Variants in RBFOX1 observed in about 807,000 individuals in gnomAD.
RBFOX1 encodes RNA binding fox-1 homolog 1.
In RBFOX1, 8 loss-of-function variants were observed where a neutral mutation model predicts 57.7. That is an observed-to-expected ratio of 0.14 (90% CI 0.08 to 0.25). The LOEUF (loss-of-function observed/expected upper bound fraction) is 0.25. RBFOX1 is among the 10% of genes least tolerant of loss of function. The pLI is 1.00. For missense variants in RBFOX1, 611 were observed against 548.5 expected (o/e 1.11, Z -1.14); for synonymous variants, 326 against 222.4 (o/e 1.47, Z -4.15).
chr16:5,555,776 C>A (rs2045646949), intron 2 of RBFOX1, among the ~76,000 whole-genome samples: 1 of 151,722 alleles, frequency 6.6e-6, no homozygotes, highest in Non-Finnish European at 1.5e-5. Flanking sequence ...AATCCCAGCA[C>A]TTTGGGAGGC....
intron 4 of RBFOX1, among the ~76,000 whole-genome samples, chr16:7,449,450 G>C (rs2150149869): frequency 6.6e-6 from 1 of 152,236 alleles, no homozygotes; most frequent in African/African-American, 2.4e-5. Context: ...AGTGAGCCCT[G>C]CTTAGTTATC....
intron 12 of RBFOX1, among the ~76,000 whole-genome samples, chr16:7,657,138 C>T (rs1408780803): frequency 6.6e-6 from 1 of 152,128 alleles, no homozygotes; most frequent in East Asian, 1.9e-4. Flanking sequence ...GTCCTAGGTC[C>T]ATGCATGGCT....
chr16:6,385,514 C>A (rs1338594056), intron 2 of RBFOX1, among the ~76,000 whole-genome samples: 1 of 152,210 alleles, frequency 6.6e-6, no homozygotes, highest in African/African-American at 2.4e-5. Flanking sequence ...CATGCACCAC[C>A]ACACCCGGAT....
intron 1 of RBFOX1, among the ~76,000 whole-genome samples, chr16:6,156,593 G>A (rs1303974033): frequency 6.6e-6 from 1 of 152,114 alleles, no homozygotes; most frequent in Non-Finnish European, 1.5e-5. Flanking sequence ...ACAGTGAGAC[G>A]AGGTGGCCAG....
intron 3 of RBFOX1, among the ~76,000 whole-genome samples, chr16:6,754,487 T>C (rs150889493): frequency 0.021 from 3,145 of 152,272 alleles, 63 homozygotes; most frequent in Admixed American, 0.034. Flanking sequence ...GCTCCTCTTT[T>C]TCATGAGGAA....
intron 1 of RBFOX1, among the ~76,000 whole-genome samples, chr16:6,257,829 G>T (rs2097677884): frequency 6.6e-6 from 1 of 152,048 alleles, no homozygotes; most frequent in South Asian, 2.1e-4. Context: ...TATCATTAAT[G>T]GGCATTTAGG....
At chr16:6,449,039 G>A (rs550591301) in intron 2 of RBFOX1, among the ~76,000 whole-genome samples, 1 of 152,234 alleles carries the variant, frequency 6.6e-6, no homozygotes, top group South Asian at 2.1e-4. Flanking sequence ...AGGACAGAAA[G>A]ACATAAAGTC....
chr16:7,145,911 C>G (rs972326150), intron 4 of RBFOX1, among the ~76,000 whole-genome samples: 1 of 152,158 alleles, frequency 6.6e-6, no homozygotes, highest in Non-Finnish European at 1.5e-5. Flanking sequence ...AAGTCCATGA[C>G]CCTCTGGCGG....
chr16:6,606,971 C>T (rs1259026070), intron 2 of RBFOX1, among the ~76,000 whole-genome samples: 7 of 152,334 alleles, frequency 4.6e-5, no homozygotes, highest in Middle Eastern at 3.4e-3. Context: ...TACATTCCCA[C>T]TAACAGTGTA....
chr16:7,408,626 G>A (rs1405991610), intron 4 of RBFOX1, among the ~76,000 whole-genome samples: 1 of 152,200 alleles, frequency 6.6e-6, no homozygotes, highest in Non-Finnish European at 1.5e-5. Context: ...GTCTAGAGGA[G>A]CAATCAAGGC....
Position 7,688,246 on chromosome 16 carries a change from T to A in RBFOX1, c.995+11408T>A, listed in dbSNP as rs71386453. ...ATGTGTGTGTGTGTGTGTGTGTGTG[T>A]GTGTGTGTGTGTGTGAGAGAGAGAG... is the stretch of plus-strand genomic sequence containing the variant. On this transcript the variant is annotated intron_variant, in intron 14 of 15. Coordinates refer to ENST00000550418, the MANE Select transcript of RBFOX1 (RefSeq NM_018723.4). 6.8e-5 allele frequency among the ~76,000 whole-genome samples: 7 copies of A among 102,522 alleles called. 1 individual carries two copies. Among genetic ancestry groups the A allele is most frequent in the Admixed American group, 5.3e-4 (5 of 9,464 alleles). The allele number at this position is 102,522 out of a possible 152,430, so 67.3% of individuals were successfully genotyped here. A position where few individuals can be genotyped will look rare whatever the true frequency, so the allele number is the denominator to read the frequency against.
intron 1 of RBFOX1, among the ~76,000 whole-genome samples, chr16:6,314,820 G>A (rs2080867913): frequency 6.6e-6 from 1 of 152,182 alleles, no homozygotes; most frequent in South Asian, 2.1e-4. Context: ...ATCCTGCATT[G>A]GAGGCATACT....
chr16:5,689,753 C>T (rs1968117), intron 3 of RBFOX1, among the ~76,000 whole-genome samples: 34,701 of 151,066 alleles, frequency 0.23, 5,461 homozygotes, highest in East Asian at 0.81. Flanking sequence ...TAGAGAACAA[C>T]AGGGACAAGA....
intron 4 of RBFOX1, among the ~76,000 whole-genome samples, chr16:7,314,280 A>G (rs556981569): frequency 9.2e-4 from 140 of 152,266 alleles, no homozygotes; most frequent in Non-Finnish European, 1.8e-3. Flanking sequence ...AATGATTTAT[A>G]CACCCCGCAC....
chr16:6,866,820 G>A (rs532361449), intron 3 of RBFOX1, among the ~76,000 whole-genome samples: 3 of 152,056 alleles, frequency 2.0e-5, no homozygotes, highest in African/African-American at 7.2e-5. Flanking sequence ...GGGATTACAG[G>A]CAGGAGCCAC....
intron 3 of RBFOX1, among the ~76,000 whole-genome samples, chr16:5,790,864 T>G (rs72766973): frequency 0.33 from 50,184 of 150,064 alleles, 9,129 homozygotes; most frequent in East Asian, 0.54. Flanking sequence ...TCTTTATTTT[T>G]TTTTTTTTTG....
At chr16:5,722,972 T>C (rs941106006) in intron 3 of RBFOX1, among the ~76,000 whole-genome samples, 1 of 152,206 alleles carries the variant, frequency 6.6e-6, no homozygotes, top group Non-Finnish European at 1.5e-5. Context: ...AGAGGCCCTA[T>C]TTGTCCACTG....
Position 5,366,613 on chromosome 16 carries a change from A to G in RBFOX1, c.220-100603A>G, listed in dbSNP as rs545864782. 2.0e-5 allele frequency: 8 copies of G among 404,188 alleles called. No individual in the cohort carries two copies. In the East Asian group the frequency reaches 5.3e-4, roughly 27 times the overall value. The allele number at this position is 404,188 out of a possible 1,614,324, so 25.0% of individuals were successfully genotyped here. ...TCCCAGAGAGGAAGCAAAGTTCATC[A>G]ATTATGTGAAGAATTGCTTCTGGAT... On this transcript the variant is annotated intron_variant, in intron 1 of 2. Transcript: ENST00000585867.
chr16:6,777,119 T>G (rs1446472025), intron 3 of RBFOX1, among the ~76,000 whole-genome samples: 1 of 152,140 alleles, frequency 6.6e-6, no homozygotes, highest in Non-Finnish European at 1.5e-5. Flanking sequence ...AGTCTTGGGA[T>G]TAGTGGTCTT....
Sources: gnomAD v4.1 joint callset for allele counts (sites outside exome capture counted in the v4.1 genomes callset) on GRCh38, gnomAD v4.1.1 for gene constraint, MANE v1.5 for transcripts, NCBI Gene and HGNC (gene_info 2026-07-23, HGNC 2026-07-21) for gene names.